Variants in TNXB observed in about 807,000 individuals in gnomAD.
TNXB encodes tenascin XB, also known as tenascin-X.
In TNXB, 183 loss-of-function variants were observed where a neutral mutation model predicts 340.5. That is an observed-to-expected ratio of 0.54 (90% CI 0.48 to 0.61). The LOEUF (loss-of-function observed/expected upper bound fraction) is 0.61. Ranked by LOEUF, TNXB falls within the 20% of genes least tolerant of loss-of-function variation. The pLI, the probability that TNXB is intolerant of heterozygous loss-of-function variation, is 0.00. For missense variants in TNXB, 4,613 were observed against 5,446.4 expected (o/e 0.85, Z 4.82); for synonymous variants, 2,121 against 2,314.5 (o/e 0.92, Z 2.40).
In TNXB at chr6:32,056,852, G is replaced by T. The variant is rs1191672316; in HGVS notation, c.7877C>A (p.Pro2626His). Residue 2626 changes from proline (P) to histidine (H), a missense_variant, in exon 23 of 44, where the codon CCC becomes CAC. Pro to His is a moderately conservative substitution (Grantham distance 77). Coordinates refer to ENST00000644971, the MANE Select transcript of TNXB (RefSeq NM_001365276.2). ...QAVPTMTPEP[P>H]IKPRLGELTM... The stretch of plus-strand genomic sequence containing the variant: ...CAGCTCCCCCAGGCGAGGCTTGATG[G>T]GGGGCTCAGGGGTCATGGTAGGCAC... 1 of 1,612,900 alleles carries T rather than the reference G, an allele frequency of 6.2e-7. No homozygotes were observed. The highest frequency in any genetic ancestry group is 8.5e-7 in the Non-Finnish European group (1 of 1,179,778).
intron 22 of TNXB, among the ~76,000 whole-genome samples, chr6:32,057,367 G>A (rs1777730351): frequency 6.6e-6 from 1 of 152,120 alleles, no homozygotes; most frequent in Non-Finnish European, 1.5e-5. Context: ...GAATTCCCCT[G>A]GATACCTTCC....
intron 11 of TNXB, chr6:32,078,751 T>G: frequency 2.3e-6 from 1 of 433,574 alleles, no homozygotes; most frequent in Non-Finnish European, 4.1e-6. Context: ...GCCAGGCCCA[T>G]TCTTGATGCT....
rs1341123780 is a variant in TNXB, at chr6:32,061,143, A to T, written c.7492+254T>A. Among the ~76,000 whole-genome samples the T allele has an allele frequency of 6.6e-6, 1 of 151,856 alleles. No individual in the cohort carries two copies. Among genetic ancestry groups the T allele is most frequent in the Non-Finnish European group, 1.5e-5 (1 of 68,032 alleles). Reference sequence around the variant, plus strand: ...TGTTATTAAGATGGAAAGAAAGGAAAATTCTCGTAAGTCAGGCTTGGTGTG... The same window carrying T: ...TGTTATTAAGATGGAAAGAAAGGAATATTCTCGTAAGTCAGGCTTGGTGTG... On this transcript the variant is annotated intron_variant, in intron 21 of 43. Transcript: ENST00000644971. This position sits in a 1 kb window ranked among gnomAD's most constrained non-coding sequence, Gnocchi z 4.4.
chr6:32,059,839 AAG>A (rs1752551002), intron 21 of TNXB, among the ~76,000 whole-genome samples: 1 of 151,908 alleles, frequency 6.6e-6, no homozygotes, highest in Non-Finnish European at 1.5e-5. Context: ...CCTGCCCTGC[AAG>A]AGACCGCCTC....
chr6:32,056,263 C>A, intron 23 of TNXB, 89 bp from the exon 24 acceptor site: 1 of 1,457,600 alleles, frequency 6.9e-7, no homozygotes. Flanking sequence ...ATGGCCACTA[C>A]TGGGTATGTG....
At chr6:32,107,007 A>C (rs918508323) in intron 1 of TNXB, among the ~76,000 whole-genome samples, 1 of 152,256 alleles carries the variant, frequency 6.6e-6, no homozygotes, top group African/African-American at 2.4e-5. Context: ...ACACACACCC[A>C]ATCTCCCCTT....
Position 32,086,018 on chromosome 6 carries a change from G to T in TNXB, c.2880C>A (p.Pro960=). ...GCACCCTCAACTCTCCCAGCTCCTG[G>T]GGGCGCTGCTGCAGGAGAGGAGCCT... ...GAQAPLLQQR[P]QELGELRVLG... The change falls in exon 7 of 44, where the codon CCC becomes CCA. Residue 960 remains proline, a synonymous_variant. Coordinates refer to ENST00000644971, the MANE Select transcript of TNXB (RefSeq NM_001365276.2). 1 of 1,606,294 alleles carries T rather than the reference G, an allele frequency of 6.2e-7. No homozygotes were observed. Among genetic ancestry groups the T allele is most frequent in the Non-Finnish European group, 8.5e-7 (1 of 1,178,188 alleles).
In TNXB at chr6:32,052,885, G is replaced by A. The variant is rs1038108696; in HGVS notation, c.8900C>T (p.Ser2967Leu). ...GGGGATGGTCCAGGAGAGGCTCAGC[G>A]AGTCAGGGGAGGATCCTGTCACTGT... The part of the protein sequence containing the change: ...ELTVTGSSPD[S>L]LSLSWTIPQG... The change falls in exon 26 of 44, where the codon TCG becomes TTG. Residue 2967 changes from serine to leucine, a missense_variant. Physicochemically the swap from Ser to Leu is moderately radical, Grantham distance 145. Coordinates refer to ENST00000644971, the MANE Select transcript of TNXB (RefSeq NM_001365276.2). This position sits in a 1 kb window ranked among gnomAD's most constrained non-coding sequence, Gnocchi z 4.7. The A allele has an allele frequency of 3.1e-6, 5 of 1,612,848 alleles. No homozygotes were observed. Among genetic ancestry groups the A allele is most frequent in the African/African-American group, 1.3e-5 (1 of 74,910 alleles).
rs773068378 is a variant in TNXB, at chr6:32,068,502, G to A, written c.6108C>T (p.His2036=). The A allele has an allele frequency of 8.1e-6, 13 of 1,613,876 alleles. No individual in the cohort carries two copies. The highest frequency in any genetic ancestry group is 2.2e-5 in the East Asian group (1 of 44,882). ...GQPKAVRVPG[H]EEGVTISGLE... Reference sequence around the variant, plus strand: ...GGCCCGAGATGGTGACCCCTTCCTCGTGCCCTGGCACCCTCACTGCCTTGG... The same window carrying A: ...GGCCCGAGATGGTGACCCCTTCCTCATGCCCTGGCACCCTCACTGCCTTGG... Residue 2036 remains histidine (H), a synonymous_variant, in exon 17 of 44, where the codon CAC becomes CAT. Transcript: ENST00000644971. The surrounding 1 kb of genome is among the most constrained non-coding windows in gnomAD (Gnocchi z 5.3).
chr6:32,054,659 G>A (rs1777524793), intron 24 of TNXB, among the ~76,000 whole-genome samples: 1 of 152,292 alleles, frequency 6.6e-6, no homozygotes, highest in African/African-American at 2.4e-5. Context: ...TTGGCTCCTG[G>A]GCTCCACATG....
In TNXB at chr6:32,068,374, C is replaced by T. The variant is rs1352062639; in HGVS notation, c.6220+16G>A. ...CTCCCATGGCTCCCACCCTGGGGCT[C>T]CCATCATCCACTCACCTGTCACCCC... is the stretch of plus-strand genomic sequence containing the variant. On this transcript the variant is annotated intron_variant, in intron 17 of 43. Coordinates refer to ENST00000644971, the MANE Select transcript of TNXB (RefSeq NM_001365276.2). This position sits in a 1 kb window ranked among gnomAD's most constrained non-coding sequence, Gnocchi z 5.3. The T allele has an allele frequency of 6.2e-7, 1 of 1,611,680 alleles. No individual in the cohort carries two copies. Among genetic ancestry groups the T allele is most frequent in the Non-Finnish European group, 8.5e-7 (1 of 1,178,384 alleles).
Position 32,085,763 on chromosome 6 carries a change from G to A in TNXB, c.3135C>T (p.Tyr1045=), listed in dbSNP as rs777347445. The A allele has an allele frequency of 5.8e-6, 9 of 1,548,376 alleles. No individual in the cohort carries two copies. Among genetic ancestry groups the A allele is most frequent in the Non-Finnish European group, 7.9e-6 (9 of 1,146,302 alleles). Residue 1045 remains tyrosine (Y), a synonymous_variant, in exon 7 of 44, where the codon TAC becomes TAT. Coordinates refer to ENST00000644971, the MANE Select transcript of TNXB (RefSeq NM_001365276.2). This position sits in a 1 kb window ranked among gnomAD's most constrained non-coding sequence, Gnocchi z 6.4. ...PGGKPSDPII[Y]QGIMDKDEEK... ...TCCAAGATGTACCCATAATGCCTTG[G>A]TAGATGATGGGGTCAGAGGGCTTGC...
chr6:32,053,455 G>A lies in TNXB; in HGVS notation c.8724C>T (p.Tyr2908=). Residue 2908 remains tyrosine, a synonymous_variant, in exon 25 of 44, where the codon TAC becomes TAT. Transcript: ENST00000644971. ...TISGLEPDHK[Y]KMNLYGFHGG... is the part of the protein sequence containing the mutation. Reference sequence around the variant, plus strand: ...CGTGGAAGCCGTACAGGTTCATCTTGTACTTGTGGTCTGGCTCCAGGCCTG... The same window carrying A: ...CGTGGAAGCCGTACAGGTTCATCTTATACTTGTGGTCTGGCTCCAGGCCTG... 1 of 1,613,308 alleles carries A rather than the reference G, an allele frequency of 6.2e-7. No homozygotes were observed. The highest frequency in any genetic ancestry group is 8.5e-7 in the Non-Finnish European group (1 of 1,179,884).
In TNXB at chr6:32,082,751, C is replaced by T. The variant is rs932741419; in HGVS notation, c.3446-425G>A. On this transcript the variant is annotated intron_variant, in intron 8 of 43. Coordinates refer to ENST00000644971, the MANE Select transcript of TNXB (RefSeq NM_001365276.2). This position sits in a 1 kb window ranked among gnomAD's most constrained non-coding sequence, Gnocchi z 5.0. Reference sequence around the variant, plus strand: ...CTTCTCCAAGAGAGGAGAGCACAATCCTTGAAGCGTTTTAACGTGGGACAG... The same window carrying T: ...CTTCTCCAAGAGAGGAGAGCACAATTCTTGAAGCGTTTTAACGTGGGACAG... Among the ~76,000 whole-genome samples, 15 of 152,244 alleles carry T rather than the reference C, an allele frequency of 9.9e-5. No homozygotes were observed. The highest frequency in any genetic ancestry group is 3.4e-4 in the African/African-American group (14 of 41,546).
rs767396634 is a variant in TNXB at position 32,053,724 on chromosome 6, G to A, written c.8468-13C>T. The A allele has an allele frequency of 1.0e-5, 16 of 1,605,552 alleles. No homozygotes were observed. The highest frequency in any genetic ancestry group is 4.0e-5 in the African/African-American group (3 of 74,722). On this transcript the variant is annotated splice_polypyrimidine_tract_variant and intron_variant, in intron 24 of 43. Transcript: ENST00000644971. ...TCATCCTCTGGAGCTGGACAGACAC[G>A]TGTGGGGAGAGTGAGGTCCCTGGGT...
intron 6 of TNXB, among the ~76,000 whole-genome samples, chr6:32,086,626 C>T (rs1289450233): frequency 1.3e-5 from 2 of 152,202 alleles, no homozygotes; most frequent in African/African-American, 4.8e-5. Context: ...ACCCTCCCCA[C>T]AGCAGCCACA....
intron 24 of TNXB, 113 bp downstream of exon 24, chr6:32,055,738 C>G: frequency 1.4e-6 from 2 of 1,440,062 alleles, no homozygotes; most frequent in Non-Finnish European, 1.9e-6. Context: ...GCAAGATCCC[C>G]AAGCATGGAA....
In TNXB at chr6:32,088,971, C is replaced by T. The variant is rs1301877220; in HGVS notation, c.2593G>A (p.Ala865Thr). 6.2e-7 allele frequency: 1 copy of T among 1,610,674 alleles called. No individual in the cohort carries two copies. Among genetic ancestry groups the T allele is most frequent in the Non-Finnish European group, 8.5e-7 (1 of 1,178,646 alleles). The change falls in exon 6 of 44, where the codon GCT becomes ACT. Residue 865 changes from alanine (A) to threonine (T), a missense_variant. Ala to Thr is a moderately conservative substitution (Grantham distance 58, BLOSUM62 0). This residue lies in a region of TNXB where 4,327 missense variants were observed against 4,859.4 expected (regional missense o/e 0.89). Coordinates refer to ENST00000644971, the MANE Select transcript of TNXB (RefSeq NM_001365276.2). ...TLELGWLRPQ[A>T]EVDRFVVSYV... ...GACACCACAAATCGGTCCACCTCAG[C>T]CTGGGGACGCAGCCAGCCAAGCTCC...
rs1486596669 is a variant in TNXB at position 32,084,743 on chromosome 6, G to A, written c.3149-34C>T. 6.6e-7 allele frequency: 1 copy of A among 1,506,994 alleles called. No homozygotes were observed. Among genetic ancestry groups the A allele is most frequent in the Non-Finnish European group, 8.9e-7 (1 of 1,123,748 alleles). 93.4% of individuals were successfully genotyped at this position (1,506,994 alleles called of 1,614,324 possible). ...TGAGAGGCAAAAGCAAAGCATAGTG[G>A]ACTCAACCGTTCTCTTGTCTGTGTC... On this transcript the variant is annotated intron_variant, in intron 7 of 43. Coordinates refer to ENST00000644971, the MANE Select transcript of TNXB (RefSeq NM_001365276.2). The surrounding 1 kb of genome is among the most constrained non-coding windows in gnomAD (Gnocchi z 5.5).
Sources: gnomAD v4.1 joint callset for allele counts (sites outside exome capture counted in the v4.1 genomes callset) on GRCh38, gnomAD v4.1.1 for gene constraint, gnomAD v4.1.1 regional missense constraint, Gnocchi (gnomAD v3.1) non-coding constraint, MANE v1.5 for transcripts, NCBI Gene and HGNC (gene_info 2026-07-23, HGNC 2026-07-21) for gene names.